The following LAMA3 variants were observed in gnomAD, a reference collection of about 807,000 sequenced individuals.
LAMA3 encodes laminin subunit alpha 3, also known as laminin subunit alpha-3.
In LAMA3, 281 loss-of-function variants were observed where a neutral mutation model predicts 402.0. The observed-to-expected ratio is 0.70, with a 90% CI of 0.63 to 0.77. The LOEUF (loss-of-function observed/expected upper bound fraction) is 0.77. Among genes scored for constraint, LAMA3 ranks in the 30% least tolerant of loss-of-function variants. The pLI, the probability that LAMA3 is intolerant of heterozygous loss-of-function variation, is 0.00. For missense variants in LAMA3, 3,840 were observed against 4,215.5 expected (o/e 0.91, Z 2.47); for synonymous variants, 1,431 against 1,558.4 (o/e 0.92, Z 1.93).
In LAMA3 at chr18:23,782,602, T is replaced by G. The variant is rs139541248; in HGVS notation, c.1469-1421T>G. On this transcript the variant is annotated intron_variant, in intron 11 of 74. Transcript: ENST00000313654. ...AGAAAAAAGAAATAGATGCTTTAAA[T>G]ATGAGATTGATTTGAATATATATGC... Among the ~76,000 whole-genome samples the G allele has an allele frequency of 5.9e-5, 9 of 152,230 alleles. No individual in the cohort carries two copies. In the East Asian group the frequency reaches 1.7e-3, roughly 29 times the overall value.
intron 2 of LAMA3, among the ~76,000 whole-genome samples, chr18:23,740,954 C>T (rs922425055): frequency 1.3e-5 from 2 of 150,398 alleles, no homozygotes; most frequent in Non-Finnish European, 3.0e-5. Flanking sequence ...AAACCAAGCA[C>T]ACTTTTTTTT....
intron 2 of LAMA3, among the ~76,000 whole-genome samples, chr18:23,719,420 G>A (rs768356074): frequency 3.9e-5 from 6 of 152,140 alleles, no homozygotes; most frequent in Non-Finnish European, 8.8e-5. Context: ...CTATGAAAAT[G>A]TTATTTAAAA....
At chr18:23,938,320 G>T (rs552944140) in intron 67 of LAMA3, among the ~76,000 whole-genome samples, 1 of 152,274 alleles carries the variant, frequency 6.6e-6, no homozygotes, top group East Asian at 1.9e-4. Context: ...AGCTCTGAGC[G>T]CCTGGGAAAA....
At position 23,907,755 on chromosome 18, in the gene LAMA3, G is replaced by A; in HGVS notation, c.6836-1G>A. 6.2e-7 allele frequency: 1 copy of A among 1,614,098 alleles called. No homozygotes were observed. The highest frequency in any genetic ancestry group is 8.5e-7 in the Non-Finnish European group (1 of 1,179,980). On this transcript the variant is annotated splice_acceptor_variant, in intron 53 of 74. Coordinates refer to ENST00000313654, the MANE Select transcript of LAMA3 (RefSeq NM_198129.4). LOFTEE classifies it high-confidence loss of function. The stretch of plus-strand genomic sequence containing the variant: ...TACCTCCCTATCTGTGTGTGCATTA[G>A]GTGATATTGATGCTATGATCAGTAG...
At chr18:23,777,493 T>C (rs955427433) in intron 10 of LAMA3, 64 bp from the exon 11 acceptor site, 2 of 1,123,054 alleles carry the variant, frequency 1.8e-6, no homozygotes, top group African/African-American at 3.1e-5. Context: ...TTAGTACAAC[T>C]TAATGTTTTA....
chr18:23,705,339 T>A (rs754819973), intron 1 of LAMA3, among the ~76,000 whole-genome samples: 1 of 152,030 alleles, frequency 6.6e-6, no homozygotes, highest in Non-Finnish European at 1.5e-5. Context: ...TATGGATTAG[T>A]CATAACACTC....
chr18:23,690,605 T>A (rs1157328014), intron 1 of LAMA3, among the ~76,000 whole-genome samples: 1 of 151,922 alleles, frequency 6.6e-6, no homozygotes, highest in Non-Finnish European at 1.5e-5. Flanking sequence ...TTGCGGTGCA[T>A]GTTAAGCAGC....
At chr18:23,779,380 C>T (rs1020232971) in intron 11 of LAMA3, among the ~76,000 whole-genome samples, 2 of 152,012 alleles carry the variant, frequency 1.3e-5, no homozygotes, top group Non-Finnish European at 2.9e-5. Context: ...GTGGTGTCAG[C>T]GGAGGTGACA....
Position 23,778,493 on chromosome 18 carries a change from A to G in LAMA3, c.1468+874A>G, listed in dbSNP as rs182194724. Reference sequence around the variant, plus strand: ...AGGGGGAGCCATTCACATCATAGGCATAAACTAACTCATGTGAGAAGATTC... The same window carrying G: ...AGGGGGAGCCATTCACATCATAGGCGTAAACTAACTCATGTGAGAAGATTC... On this transcript the variant is annotated intron_variant, in intron 11 of 74. Coordinates refer to ENST00000313654, the MANE Select transcript of LAMA3 (RefSeq NM_198129.4). 4.2e-4 allele frequency among the ~76,000 whole-genome samples: 64 copies of G among 152,352 alleles called. No individual in the cohort carries two copies. The East Asian group carries it at 0.011, about 25-fold the overall frequency.
At chr18:23,714,558 C>A (rs1200014142) in intron 2 of LAMA3, among the ~76,000 whole-genome samples, 1 of 152,026 alleles carries the variant, frequency 6.6e-6, no homozygotes, top group African/African-American at 2.4e-5. Context: ...CAGTGCCTGG[C>A]AGCATGCAGA....
intron 54 of LAMA3, 88 bp downstream of exon 54, chr18:23,908,023 C>T: frequency 7.6e-7 from 1 of 1,317,856 alleles, no homozygotes; most frequent in Non-Finnish European, 1.1e-6. Context: ...CTGGTAAAGT[C>T]TGATCTCAGA....
At chr18:23,733,500 G>A (rs928824559) in intron 2 of LAMA3, among the ~76,000 whole-genome samples, 15 of 152,192 alleles carry the variant, frequency 9.9e-5, no homozygotes, top group African/African-American at 2.6e-4. Flanking sequence ...AGAACAGTAC[G>A]GGAGAAACTC....
chr18:23,846,859 C>T (rs1300326694), intron 31 of LAMA3, among the ~76,000 whole-genome samples: 1 of 152,236 alleles, frequency 6.6e-6, no homozygotes. Context: ...GTCACAGAAG[C>T]CCCTTCCATT....
intron 41 of LAMA3, among the ~76,000 whole-genome samples, chr18:23,886,209 G>C (rs1599004462): frequency 6.6e-6 from 1 of 152,346 alleles, no homozygotes; most frequent in South Asian, 2.1e-4. Flanking sequence ...CTTTGGGTCA[G>C]AGGATAGGTT....
intron 44 of LAMA3, among the ~76,000 whole-genome samples, chr18:23,896,598 A>G (rs2080883325): frequency 6.6e-6 from 1 of 152,076 alleles, no homozygotes; most frequent in African/African-American, 2.4e-5. Context: ...AAGTAATAGA[A>G]CCTATTTCCC....
In LAMA3 at chr18:23,943,978, G is replaced by T. The variant is rs756197658; in HGVS notation, c.9210+7G>T. On this transcript the variant is annotated splice_region_variant and intron_variant, in intron 69 of 74. Transcript: ENST00000313654. ...TGATGGGAAATGGCACACGGTAAGAGCTGGGGCTGTGTCAGTATCTCCAGT... is the reference window on the plus strand; with the variant it reads ...TGATGGGAAATGGCACACGGTAAGATCTGGGGCTGTGTCAGTATCTCCAGT... 1 of 1,613,400 alleles carries T rather than the reference G, an allele frequency of 6.2e-7. No homozygotes were observed. The highest frequency in any genetic ancestry group is 8.5e-7 in the Non-Finnish European group (1 of 1,179,540).
chr18:23,867,940 A>G (rs2064406025), intron 37 of LAMA3, 23 bp downstream of exon 37: 2 of 1,585,592 alleles, frequency 1.3e-6, no homozygotes, highest in East Asian at 2.2e-5. Context: ...CAACCATAGG[A>G]TGGTCCTTTC....
intron 5 of LAMA3, among the ~76,000 whole-genome samples, chr18:23,752,404 CT>C (rs1431132686): frequency 6.6e-6 from 1 of 152,128 alleles, no homozygotes; most frequent in African/African-American, 2.4e-5. Flanking sequence ...GAATACAGGC[CT>C]CTCCATTAAA....
At chr18:23,812,481 C>T (rs1252602621) in intron 13 of LAMA3, among the ~76,000 whole-genome samples, 1 of 152,130 alleles carries the variant, frequency 6.6e-6, no homozygotes, top group Non-Finnish European at 1.5e-5. Flanking sequence ...ATTTGAAAAA[C>T]CAGACTCAGA....
Sources: gnomAD v4.1 joint callset for allele counts (sites outside exome capture counted in the v4.1 genomes callset) on GRCh38, gnomAD v4.1.1 for gene constraint, MANE v1.5 for transcripts, NCBI Gene and HGNC (gene_info 2026-07-23, HGNC 2026-07-21) for gene names.